Variants in LOC400499 observed in about 807,000 individuals in gnomAD.
the LOC400499 span, among the ~76,000 whole-genome samples, chr16:11,453,366 G>C: frequency 3.3e-5 from 5 of 152,134 alleles, no homozygotes; most frequent in African/African-American, 1.2e-4. Flanking sequence ...GCCGACTCAA[G>C]CATAAGCACA....
At chr16:11,484,762 G>T in the LOC400499 span, 1 of 397,708 alleles carries the variant, frequency 2.5e-6, no homozygotes, top group East Asian at 3.6e-5. Flanking sequence ...ACTTAATTCT[G>T]CAAGGAGGAG....
the LOC400499 span, chr16:11,462,151 C>G: frequency 2.6e-6 from 4 of 1,528,178 alleles, no homozygotes; most frequent in Non-Finnish European, 2.6e-6. Context: ...GCAGATGGCT[C>G]AGCGATGCGG....
chr16:11,454,298 G>C, the LOC400499 span, among the ~76,000 whole-genome samples: 1 of 152,196 alleles, frequency 6.6e-6, no homozygotes, highest in Non-Finnish European at 1.5e-5. Context: ...ATTCTGTGAT[G>C]GGTTAACTTG....
At chr16:11,432,464 T>G in the LOC400499 span, among the ~76,000 whole-genome samples, 1 of 152,002 alleles carries the variant, frequency 6.6e-6, no homozygotes, top group Non-Finnish European at 1.5e-5. Flanking sequence ...AGGAAACAGG[T>G]AGAGAGAGAG....
chr16:11,437,423 G>C, the LOC400499 span, among the ~76,000 whole-genome samples: 1 of 152,204 alleles, frequency 6.6e-6, no homozygotes, highest in East Asian at 1.9e-4. Flanking sequence ...GCTGAGCGTG[G>C]TGGCATGCAC....
chr16:11,443,720 G>A, the LOC400499 span, among the ~76,000 whole-genome samples: 1 of 152,056 alleles, frequency 6.6e-6, no homozygotes, highest in Non-Finnish European at 1.5e-5. Flanking sequence ...AGGAAACTGA[G>A]GTCCAGAGAG....
chr16:11,378,896 A>G, the LOC400499 span, among the ~76,000 whole-genome samples: 4 of 152,188 alleles, frequency 2.6e-5, no homozygotes, highest in African/African-American at 9.6e-5. Flanking sequence ...GGTAGGTCCA[A>G]CTGGTCTATA....
chr16:11,460,071 T>A, the LOC400499 span: 1 of 1,360,248 alleles, frequency 7.4e-7, no homozygotes, highest in African/African-American at 1.5e-5. Flanking sequence ...CACACATGGG[T>A]GGTGAACTGC....
the LOC400499 span, chr16:11,372,395 T>C: frequency 6.6e-6 from 1 of 152,284 alleles, no homozygotes; most frequent in Non-Finnish European, 1.5e-5. Flanking sequence ...AATAAGTGAA[T>C]AAATCTCTTG....
chr16:11,439,325 T>C, the LOC400499 span, among the ~76,000 whole-genome samples: 1 of 152,128 alleles, frequency 6.6e-6, no homozygotes, highest in Non-Finnish European at 1.5e-5. Context: ...CATCTGTTCT[T>C]GATTCTACAG....
the LOC400499 span, chr16:11,460,758 G>T: frequency 7.7e-7 from 1 of 1,299,146 alleles, no homozygotes; most frequent in Non-Finnish European, 1.0e-6. Flanking sequence ...ACCTGTCGAT[G>T]GGGAGGTGTT....
the LOC400499 span, among the ~76,000 whole-genome samples, chr16:11,428,272 A>G: frequency 1.3e-5 from 2 of 152,004 alleles, no homozygotes; most frequent in Admixed American, 6.6e-5. Flanking sequence ...TCCAGGTTCA[A>G]GCGACTCTCC....
the LOC400499 span, chr16:11,387,251 TC>T: frequency 1.6e-6 from 2 of 1,232,044 alleles, no homozygotes; most frequent in South Asian, 4.1e-5. Context: ...CAGGGGCTCG[TC>T]CCCCGCAGGC....
the LOC400499 span, chr16:11,383,855 T>G: frequency 3.2e-6 from 4 of 1,232,096 alleles, no homozygotes; most frequent in Non-Finnish European, 3.0e-6. Context: ...CAAAGGGCCT[T>G]CTGCACCCCA....
At chr16:11,429,731 C>T in the LOC400499 span, among the ~76,000 whole-genome samples, 1 of 152,058 alleles carries the variant, frequency 6.6e-6, no homozygotes, top group African/African-American at 2.4e-5. Context: ...GCCTCAGCCT[C>T]CCAAAGTGCT....
chr16:11,468,519 T>A, the LOC400499 span, among the ~76,000 whole-genome samples: 1 of 152,186 alleles, frequency 6.6e-6, no homozygotes, highest in Non-Finnish European at 1.5e-5. Context: ...AGACACCGGG[T>A]CTTGCTATGT....
At chr16:11,399,117 A>G in the LOC400499 span, 3 of 653,496 alleles carry the variant, frequency 4.6e-6, no homozygotes, top group East Asian at 1.4e-4. Context: ...GAGGAGCCCT[A>G]TCAGGTAATG....
the LOC400499 span, chr16:11,399,733 CA>C: frequency 5.0e-6 from 2 of 398,772 alleles, no homozygotes; most frequent in African/African-American, 4.1e-5. Flanking sequence ...GCAGCCGTCC[CA>C]GGCGGTGCTG....
At chr16:11,378,173 G>C in the LOC400499 span, among the ~76,000 whole-genome samples, 1 of 151,104 alleles carries the variant, frequency 6.6e-6, no homozygotes, top group Non-Finnish European at 1.5e-5. Context: ...CTGGGCTCAA[G>C]CAGTCTCCTG....
Sources: allele counts gnomAD v4.1 joint callset (sites outside exome capture counted in the v4.1 genomes callset), GRCh38; gene constraint gnomAD v4.1.1; transcripts MANE v1.5.